FAM219A: variants seen among roughly 807,000 people sequenced by gnomAD.
FAM219A encodes protein FAM219A.
In FAM219A, 7 loss-of-function variants were observed where a neutral mutation model predicts 23.4. That is an observed-to-expected ratio of 0.30 (90% CI 0.17 to 0.56). The LOEUF (loss-of-function observed/expected upper bound fraction) is 0.56, where lower values mean the gene tolerates loss of function less well. Among genes scored for constraint, FAM219A ranks in the 20% least tolerant of loss-of-function variants. The pLI is 0.92. For missense variants in FAM219A, 166 were observed against 246.9 expected, an observed-to-expected ratio of 0.67 and a Z score of 2.20; for synonymous variants, 93 against 99.0, an observed-to-expected ratio of 0.94 and a Z score of 0.36.
intron 1 of FAM219A, 116 bp from the exon 2 acceptor site, chr9:34,406,080 C>T (rs12337924): frequency 2.0e-5 from 22 of 1,104,562 alleles, no homozygotes; most frequent in Non-Finnish European, 2.8e-5. Flanking sequence ...GCATTCACCC[C>T]TCAGAGCAGG....
At chr9:34,412,137 G>A (rs748171715) in intron 1 of FAM219A, among the ~76,000 whole-genome samples, 46 of 152,244 alleles carry the variant, frequency 3.0e-4, no homozygotes, top group East Asian at 1.9e-4. Flanking sequence ...AGGACCCTCC[G>A]ATAGCCATGT....
intron 2 of FAM219A, among the ~76,000 whole-genome samples, chr9:34,405,301 T>G (rs1164062403): frequency 6.6e-6 from 1 of 152,118 alleles, no homozygotes; most frequent in Admixed American, 6.5e-5. Context: ...CACAGTAAAC[T>G]GACTTTGGAA....
intron 1 of FAM219A, chr9:34,406,524 T>C: frequency 1.0e-6 from 1 of 980,942 alleles, no homozygotes; most frequent in East Asian, 1.1e-4. Context: ...TAATGAGGAC[T>C]TCTCCAGTTC....
chr9:34,425,546 C>T (rs1274154575), intron 1 of FAM219A, among the ~76,000 whole-genome samples: 1 of 152,210 alleles, frequency 6.6e-6, no homozygotes, highest in Non-Finnish European at 1.5e-5. Context: ...TATTAGTCTT[C>T]AGAGCCAGTA....
chr9:34,420,370 G>T (rs1822219961), intron 1 of FAM219A, among the ~76,000 whole-genome samples: 1 of 152,202 alleles, frequency 6.6e-6, no homozygotes, highest in Non-Finnish European at 1.5e-5. Context: ...CAGGAGCCAG[G>T]TTAAAGTGGA....
chr9:34,444,368 C>A (rs767695599), intron 1 of FAM219A, among the ~76,000 whole-genome samples: 1 of 152,144 alleles, frequency 6.6e-6, no homozygotes, highest in Non-Finnish European at 1.5e-5. Flanking sequence ...CTCCAAGATC[C>A]CCAGAGACTT....
At chr9:34,449,172 A>T (rs1823476515) in intron 1 of FAM219A, among the ~76,000 whole-genome samples, 2 of 152,012 alleles carry the variant, frequency 1.3e-5, no homozygotes. Flanking sequence ...CATCTCTACC[A>T]GAAAAAAACA....
chr9:34,416,259 G>GAAAGAA (rs1157152703), intron 1 of FAM219A, among the ~76,000 whole-genome samples: 9 of 125,604 alleles, frequency 7.2e-5, no homozygotes. Flanking sequence ...AAGAAAGAAA[G>GAAAGAA]GGGGAGGGAG....
chr9:34,413,677 G>T (rs1316705673), intron 1 of FAM219A, among the ~76,000 whole-genome samples: 2 of 152,198 alleles, frequency 1.3e-5, no homozygotes, highest in African/African-American at 4.8e-5. Context: ...AAGGCTAATT[G>T]GGGGAGGCAG....
intron 1 of FAM219A, among the ~76,000 whole-genome samples, chr9:34,440,359 C>A (rs745976304): frequency 3.9e-5 from 6 of 152,154 alleles, no homozygotes; most frequent in Non-Finnish European, 8.8e-5. Context: ...AGAGGCAGCT[C>A]TCAACTTCTG....
intron 1 of FAM219A, among the ~76,000 whole-genome samples, chr9:34,456,300 C>T (rs1344998464): frequency 6.6e-6 from 1 of 152,224 alleles, no homozygotes; most frequent in Non-Finnish European, 1.5e-5. Flanking sequence ...ACAGATGCTT[C>T]TCCAACTCCA....
Position 34,398,560 on chromosome 9 carries a change from C to A in FAM219A, c.*2404G>T. Reference sequence around the variant, plus strand: ...CACTGCCTCAGTTGGAAGCCCTTGCCTGCCAGGGAACTAGTATGTCCTGTG... The same window carrying A: ...CACTGCCTCAGTTGGAAGCCCTTGCATGCCAGGGAACTAGTATGTCCTGTG... On this transcript the variant is annotated 3_prime_UTR_variant, in exon 6 of 6. Transcript: ENST00000651358. 1 of 618,254 alleles carries A rather than the reference C, an allele frequency of 1.6e-6. No individual in the cohort carries two copies. The highest frequency in any genetic ancestry group is 2.8e-6 in the Non-Finnish European group (1 of 353,394). 38.3% of individuals were successfully genotyped at this position (618,254 alleles called of 1,614,324 possible).
intron 1 of FAM219A, among the ~76,000 whole-genome samples, chr9:34,431,647 G>A (rs1466087042): frequency 6.6e-6 from 1 of 152,130 alleles, no homozygotes; most frequent in African/African-American, 2.4e-5. Flanking sequence ...GGCCCAAGTG[G>A]GAGGATTGCT....
intron 4 of FAM219A, chr9:34,402,111 A>G: frequency 7.1e-7 from 1 of 1,409,924 alleles, no homozygotes; most frequent in South Asian, 1.5e-5. Context: ...TGCTGTCCAG[A>G]GACAACATCA....
chr9:34,400,246 G>A lies in FAM219A; in HGVS notation c.*718C>T, dbSNP rs1025619313. ...TGGTGGCAGACAGATAGATGCATTG[G>A]TGAGGGGCCAATTAGGACAGATCAC... On this transcript the variant is annotated 3_prime_UTR_variant, in exon 6 of 6. Coordinates refer to ENST00000651358, the MANE Select transcript of FAM219A (RefSeq NM_001184940.2). 5 of 152,286 alleles carry A rather than the reference G, an allele frequency of 3.3e-5. No homozygotes were observed. Among genetic ancestry groups the A allele is most frequent in the Non-Finnish European group, 7.3e-5 (5 of 68,144 alleles). 9.4% of individuals were successfully genotyped at this position (152,286 alleles called of 1,614,324 possible). A position where few individuals can be genotyped will look rare whatever the true frequency, so the allele number is the denominator to read the frequency against.
chr9:34,416,041 G>T (rs1821988230), intron 1 of FAM219A, among the ~76,000 whole-genome samples: 1 of 151,918 alleles, frequency 6.6e-6, no homozygotes, highest in Non-Finnish European at 1.5e-5. Context: ...GCCAGGTGTG[G>T]TGGCACACAC....
intron 1 of FAM219A, among the ~76,000 whole-genome samples, chr9:34,447,133 G>A (rs1823404424): frequency 6.6e-6 from 1 of 152,218 alleles, no homozygotes; most frequent in Non-Finnish European, 1.5e-5. Flanking sequence ...CACATGTAGT[G>A]TAGTTTCTAA....
intron 1 of FAM219A, among the ~76,000 whole-genome samples, chr9:34,412,256 TAAAAG>T (rs1272227336): frequency 1.3e-5 from 2 of 152,008 alleles, no homozygotes; most frequent in African/African-American, 4.8e-5. Flanking sequence ...CAGCAGAAGA[TAAAAG>T]AACAGAAAGG....
At chr9:34,454,773 T>C (rs988837835) in intron 1 of FAM219A, among the ~76,000 whole-genome samples, 1 of 152,234 alleles carries the variant, frequency 6.6e-6, no homozygotes, top group African/African-American at 2.4e-5. Context: ...TTTTCAAGCC[T>C]GAGTTTCTCT....
Sources: gnomAD v4.1 joint callset for allele counts (sites outside exome capture counted in the v4.1 genomes callset) on GRCh38, gnomAD v4.1.1 for gene constraint, MANE v1.5 for transcripts, NCBI Gene and HGNC (gene_info 2026-07-23, HGNC 2026-07-21) for gene names.